SLCO6A1: variants seen among roughly 807,000 people sequenced by gnomAD.
The protein encoded by SLCO6A1 is solute carrier organic anion transporter family member 6A1.
In SLCO6A1, 65 loss-of-function variants were observed where a neutral mutation model predicts 72.7. The observed-to-expected ratio is 0.89, with a 90% CI of 0.73 to 1.10. The LOEUF (loss-of-function observed/expected upper bound fraction) is 1.10, where lower values mean the gene tolerates loss of function less well. Ranked by LOEUF, SLCO6A1 falls within the 50% of genes least tolerant of loss-of-function variation. SLCO6A1 has a pLI of 0.00. For synonymous variants in SLCO6A1, 314 were observed against 298.2 expected (o/e 1.05, Z -0.55); for missense variants, 874 against 872.6 (o/e 1.00, Z -0.02).
Position 102,473,771 on chromosome 5 carries a change from A to C in SLCO6A1, c.899+1926T>G, listed in dbSNP as rs113176169. Among the ~76,000 whole-genome samples the C allele has an allele frequency of 2.1e-3, 318 of 152,156 alleles. 3 individuals carry two copies. The highest frequency in any genetic ancestry group is 7.3e-3 in the African/African-American group (302 of 41,566). ...CATATGTGTAACTATTAGAACTACT[A>C]AATGAATTTAGTAAAGTTGCAGGAT... On this transcript the variant is annotated intron_variant, in intron 4 of 13. Coordinates refer to ENST00000506729, the MANE Select transcript of SLCO6A1 (RefSeq NM_173488.5).
intron 12 of SLCO6A1, among the ~76,000 whole-genome samples, chr5:102,382,940 GTATA>G (rs1291567299): frequency 7.1e-6 from 1 of 140,046 alleles, no homozygotes; most frequent in African/African-American, 2.9e-5. Flanking sequence ...ATACGTGTGT[GTATA>G]TATATGAGAG....
intron 12 of SLCO6A1, among the ~76,000 whole-genome samples, chr5:102,385,863 A>T (rs1746391213): frequency 7.5e-6 from 1 of 133,582 alleles, no homozygotes; most frequent in African/African-American, 2.8e-5. Flanking sequence ...ATGGCCTCTG[A>T]CTATGTTGCC....
At chr5:102,467,723 C>A (rs980980310) in intron 4 of SLCO6A1, among the ~76,000 whole-genome samples, 30 of 152,210 alleles carry the variant, frequency 2.0e-4, no homozygotes, top group African/African-American at 6.7e-4. Context: ...AATCACCTTT[C>A]TTTCTTTCCT....
chr5:102,460,196 G>C (rs1267512212), intron 4 of SLCO6A1, among the ~76,000 whole-genome samples: 2 of 152,056 alleles, frequency 1.3e-5, no homozygotes, highest in East Asian at 3.9e-4. Context: ...TTATGTTGCA[G>C]AACTGAAGCT....
intron 6 of SLCO6A1, among the ~76,000 whole-genome samples, chr5:102,446,290 C>A (rs575278040): frequency 1.3e-5 from 2 of 152,216 alleles, no homozygotes; most frequent in East Asian, 3.9e-4. Context: ...CTTTGAACAT[C>A]CTAGTTAGTT....
chr5:102,461,251 C>T (rs1454372532), intron 4 of SLCO6A1, among the ~76,000 whole-genome samples: 1 of 151,724 alleles, frequency 6.6e-6, no homozygotes, highest in Admixed American at 6.6e-5. Context: ...TAGGAATAGG[C>T]TTAATGGAAT....
At chr5:102,488,924 A>C (rs888292769) in intron 1 of SLCO6A1, among the ~76,000 whole-genome samples, 14 of 152,234 alleles carry the variant, frequency 9.2e-5, no homozygotes, top group African/African-American at 3.4e-4. Flanking sequence ...TTACATTCAA[A>C]TATTGGGAGA....
intron 1 of SLCO6A1, among the ~76,000 whole-genome samples, chr5:102,490,217 A>G (rs1028251615): frequency 2.0e-5 from 3 of 152,186 alleles, no homozygotes; most frequent in African/African-American, 7.2e-5. Context: ...AATGTACTGT[A>G]TACTTCAAAA....
intron 9 of SLCO6A1, among the ~76,000 whole-genome samples, chr5:102,409,226 G>A (rs1343019604): frequency 2.6e-5 from 4 of 152,038 alleles, no homozygotes; most frequent in Admixed American, 2.6e-4. Flanking sequence ...CTTTTCTAGA[G>A]AAACCTAAAA....
chr5:102,439,936 A>G (rs943033696), intron 6 of SLCO6A1, among the ~76,000 whole-genome samples: 4 of 152,208 alleles, frequency 2.6e-5, no homozygotes, highest in African/African-American at 9.7e-5. Context: ...ATTTCCACAT[A>G]AAAAGGTCAT....
At chr5:102,455,539 A>C (rs1750664159) in intron 6 of SLCO6A1, among the ~76,000 whole-genome samples, 2 of 152,164 alleles carry the variant, frequency 1.3e-5, no homozygotes, top group Admixed American at 6.6e-5. Context: ...TTCTTCATTT[A>C]ATATTGAGAT....
At chr5:102,485,025 G>A (rs576465102) in intron 1 of SLCO6A1, among the ~76,000 whole-genome samples, 3 of 152,192 alleles carry the variant, frequency 2.0e-5, no homozygotes, top group East Asian at 3.9e-4. Flanking sequence ...GCTGAGGCGG[G>A]TGAATCACCT....
intron 10 of SLCO6A1, 111 bp downstream of exon 10, chr5:102,399,444 T>C: frequency 1.4e-6 from 1 of 700,724 alleles, no homozygotes; most frequent in Non-Finnish European, 2.0e-6. Context: ...TCCTCTGCAT[T>C]TGCTACCATG....
intron 7 of SLCO6A1, among the ~76,000 whole-genome samples, chr5:102,425,047 A>C (rs1419159260): frequency 6.6e-6 from 1 of 152,168 alleles, no homozygotes; most frequent in African/African-American, 2.4e-5. Flanking sequence ...GATGCAGAAA[A>C]TCCCTTCGAT....
At chr5:102,495,512 T>G (rs1028450440) in intron 1 of SLCO6A1, among the ~76,000 whole-genome samples, 31 of 151,994 alleles carry the variant, frequency 2.0e-4, no homozygotes, top group Non-Finnish European at 3.8e-4. Flanking sequence ...GGAGAATCAC[T>G]TGTACCAAGG....
At chr5:102,424,541 G>T (rs150812673) in intron 7 of SLCO6A1, among the ~76,000 whole-genome samples, 154 of 152,090 alleles carry the variant, frequency 1.0e-3, no homozygotes, top group African/African-American at 3.7e-3. Context: ...TAAATTCCTG[G>T]ACACATACAC....
chr5:102,434,312 C>T (rs1295930907), intron 7 of SLCO6A1, among the ~76,000 whole-genome samples: 1 of 152,016 alleles, frequency 6.6e-6, no homozygotes, highest in African/African-American at 2.4e-5. Context: ...AAGTATAATG[C>T]CTCCCTCTGG....
intron 12 of SLCO6A1, among the ~76,000 whole-genome samples, chr5:102,376,543 G>A (rs1745803847): frequency 6.6e-6 from 1 of 151,694 alleles, no homozygotes; most frequent in Non-Finnish European, 1.5e-5. Context: ...AATATCTAAA[G>A]AAAAAAATGG....
intron 12 of SLCO6A1, 94 bp from the exon 13 acceptor site, chr5:102,373,588 T>G: frequency 1.2e-6 from 1 of 862,768 alleles, no homozygotes; most frequent in South Asian, 3.9e-5. Flanking sequence ...GTAAGCATAT[T>G]TCACCTATAA....
Sources: allele counts gnomAD v4.1 joint callset (sites outside exome capture counted in the v4.1 genomes callset), GRCh38; gene constraint gnomAD v4.1.1; transcripts MANE v1.5; gene names NCBI Gene and HGNC (gene_info 2026-07-23, HGNC 2026-07-21).